Variants in SNX2 observed in about 807,000 individuals in gnomAD.
SNX2 encodes sorting nexin 2.
Under a neutral mutation model 69.9 loss-of-function variants are expected in SNX2, and 25 were observed. The ratio of observed to expected loss-of-function variants is 0.36; its 90% CI spans 0.26 to 0.50. The LOEUF is 0.50. Among genes scored for constraint, SNX2 ranks in the 20% least tolerant of loss-of-function variants. The pLI, the probability that SNX2 is intolerant of heterozygous loss-of-function variation, is 0.97. For synonymous variants in SNX2, 229 were observed against 200.4 expected, an observed-to-expected ratio of 1.14 and a Z score of -1.20; for missense variants, 551 against 613.3, an observed-to-expected ratio of 0.90 and a Z score of 1.07.
chr5:122,776,641 T>A (rs1752863802), intron 1 of SNX2, among the ~76,000 whole-genome samples: 1 of 152,182 alleles, frequency 6.6e-6, no homozygotes, highest in South Asian at 2.1e-4. Flanking sequence ...TACTTTAACA[T>A]GTACATGTGT....
rs1186096980 is a variant in SNX2, at chr5:122,831,688, A to G, written c.*2040A>G. Among the ~76,000 whole-genome samples the G allele has an allele frequency of 6.6e-6, 1 of 152,236 alleles. No individual in the cohort carries two copies. The highest frequency in any genetic ancestry group is 2.4e-5 in the African/African-American group (1 of 41,474). On this transcript the variant is annotated 3_prime_UTR_variant, in exon 15 of 15. Transcript: ENST00000379516. The stretch of plus-strand genomic sequence containing the variant: ...AGCAAAAGATAGGCTTACCAAGAAT[A>G]GTTTCACTATAATGATGTCCTAGTG...
At chr5:122,785,772 A>C (rs78601317) in intron 1 of SNX2, among the ~76,000 whole-genome samples, 1 of 152,064 alleles carries the variant, frequency 6.6e-6, no homozygotes, top group Non-Finnish European at 1.5e-5. Flanking sequence ...TTAATTTGTT[A>C]AAGTTTGTTT....
Position 122,815,924 on chromosome 5 carries a change from A to G in SNX2, c.751A>G (p.Thr251Ala), listed in dbSNP as rs1753890883. ...RYLQRTVKHP[T>A]LLQDPDLRQF... is the part of the protein sequence containing the mutation. ...TCTTCAAAGAACAGTAAAACATCCA[A>G]CTTTACTACAGGATCCTGATTTAAG... The change falls in exon 8 of 15, where the codon ACT (threonine) becomes GCT (alanine). Residue 251 changes from threonine (T) to alanine (A), a missense_variant. Coordinates refer to ENST00000379516, the MANE Select transcript of SNX2 (RefSeq NM_003100.4). 6 of 1,603,342 alleles carry G rather than the reference A, an allele frequency of 3.7e-6. No homozygotes were observed. The highest frequency in any genetic ancestry group is 3.4e-5 in the South Asian group (3 of 88,942).
chr5:122,801,000 A>G (rs1003512187), intron 3 of SNX2, among the ~76,000 whole-genome samples: 36 of 152,158 alleles, frequency 2.4e-4, no homozygotes, highest in African/African-American at 8.2e-4. Context: ...TTTTTCACTG[A>G]GGTTTATAGT....
intron 1 of SNX2, among the ~76,000 whole-genome samples, chr5:122,793,380 A>G (rs1326563279): frequency 1.3e-5 from 2 of 152,206 alleles, no homozygotes; most frequent in Admixed American, 6.5e-5. Flanking sequence ...AAAAATAAGT[A>G]CCATATGGCT....
intron 9 of SNX2, 36 bp from the exon 10 acceptor site, chr5:122,817,244 T>C: frequency 6.3e-7 from 1 of 1,576,280 alleles, no homozygotes; most frequent in Non-Finnish European, 8.7e-7. Flanking sequence ...TGGTTTGTTC[T>C]TCCTAAATTA....
At chr5:122,803,676 A>G in intron 6 of SNX2, 63 bp downstream of exon 6, 1 of 1,291,542 alleles carries the variant, frequency 7.7e-7, no homozygotes, top group Non-Finnish European at 1.1e-6. Context: ...TTAACTGTAT[A>G]GATTTGTGGA....
intron 1 of SNX2, among the ~76,000 whole-genome samples, chr5:122,776,918 G>C (rs1263621043): frequency 6.6e-6 from 1 of 152,086 alleles, no homozygotes; most frequent in Non-Finnish European, 1.5e-5. Context: ...CTTGGTTAAC[G>C]CACTGTAAAA....
rs1754325468 is a variant in SNX2, at chr5:122,832,938, G to A, written c.*3290G>A. The A allele has an allele frequency of 6.6e-6, 1 of 152,202 alleles. No homozygotes were observed. Among genetic ancestry groups the A allele is most frequent in the South Asian group, 2.1e-4 (1 of 4,832 alleles). 9.4% of individuals were successfully genotyped at this position (152,202 alleles called of 1,614,324 possible). A position where few individuals can be genotyped will look rare whatever the true frequency, so the allele number is the denominator to read the frequency against. On this transcript the variant is annotated 3_prime_UTR_variant, in exon 15 of 15. Transcript: ENST00000379516. The stretch of plus-strand genomic sequence containing the variant: ...ATTTTGTTTTAAAGGAAGGGAGGTT[G>A]CTGGTAGTTAGGTGGGAAAATAACA...
At chr5:122,826,585 A>G in intron 12 of SNX2, 1 of 724,866 alleles carries the variant, frequency 1.4e-6, no homozygotes. Context: ...ATTTTAGTGA[A>G]TTTGTATAAG....
Position 122,833,951 on chromosome 5 carries a change from A to G in SNX2, c.*4303A>G, listed in dbSNP as rs1754352467. 6.6e-6 allele frequency: 1 copy of G among 152,210 alleles called. No individual in the cohort carries two copies. The highest frequency in any genetic ancestry group is 1.5e-5 in the Non-Finnish European group (1 of 68,022). 9.4% of individuals were successfully genotyped at this position (152,210 alleles called of 1,614,324 possible). On this transcript the variant is annotated 3_prime_UTR_variant, in exon 15 of 15. Transcript: ENST00000379516. ...GGATGTTCAATATCTACAATAAATG[A>G]ATTGTAGTACTATATTGCTTGAAGG...
chr5:122,780,658 C>T (rs1243849031), intron 1 of SNX2, among the ~76,000 whole-genome samples: 1 of 151,296 alleles, frequency 6.6e-6, no homozygotes, highest in Non-Finnish European at 1.5e-5. Context: ...CAGCCTCTGC[C>T]TCCCAGGTTC....
chr5:122,797,332 G>C (rs1003344153), intron 2 of SNX2, among the ~76,000 whole-genome samples: 3 of 152,126 alleles, frequency 2.0e-5, no homozygotes, highest in Non-Finnish European at 4.4e-5. Flanking sequence ...AGAGAGATGG[G>C]AACTAAAGAA....
chr5:122,806,146 A>ACG (rs1753651431), intron 6 of SNX2, among the ~76,000 whole-genome samples: 1 of 52,548 alleles, frequency 1.9e-5, no homozygotes, highest in Non-Finnish European at 3.5e-5. Flanking sequence ...GCGCGCGCAC[A>ACG]CACACACACA....
At chr5:122,781,061 G>A (rs772401701) in intron 1 of SNX2, among the ~76,000 whole-genome samples, 2 of 152,174 alleles carry the variant, frequency 1.3e-5, no homozygotes, top group Non-Finnish European at 2.9e-5. Flanking sequence ...ACTTTCTCTT[G>A]AAACCATTAA....
At chr5:122,809,957 C>T (rs1753732491) in intron 7 of SNX2, among the ~76,000 whole-genome samples, 1 of 152,078 alleles carries the variant, frequency 6.6e-6, no homozygotes, top group Non-Finnish European at 1.5e-5. Context: ...TAGGAGAGGT[C>T]ATAGACTGAA....
intron 6 of SNX2, among the ~76,000 whole-genome samples, chr5:122,806,142 G>GCGCACACACACACACA: frequency 7.7e-6 from 1 of 130,650 alleles, no homozygotes; most frequent in Non-Finnish European, 1.6e-5. Flanking sequence ...ACACGCGCGC[G>GCGCACACACACACACA]CACACACACA....
chr5:122,802,876 G>A (rs1489949157), intron 5 of SNX2, among the ~76,000 whole-genome samples: 1 of 152,174 alleles, frequency 6.6e-6, no homozygotes, highest in Non-Finnish European at 1.5e-5. Context: ...TGAGGAAGGA[G>A]AAGGATGCCT....
intron 11 of SNX2, among the ~76,000 whole-genome samples, chr5:122,821,694 A>G (rs1244933530): frequency 6.6e-6 from 1 of 152,026 alleles, no homozygotes; most frequent in East Asian, 1.9e-4. Context: ...TGACCTCATG[A>G]TCCGCCTGCC....
Sources: allele counts gnomAD v4.1 joint callset (sites outside exome capture counted in the v4.1 genomes callset), GRCh38; gene constraint gnomAD v4.1.1; transcripts MANE v1.5; gene names NCBI Gene and HGNC (gene_info 2026-07-23, HGNC 2026-07-21).